The following ACVR1C variants were observed in gnomAD, a reference collection of about 807,000 sequenced individuals.
ACVR1C encodes the protein activin receptor type-1C.
ACVR1C carries 23 observed loss-of-function variants against 57.9 expected under a neutral mutation model. That is an observed-to-expected ratio of 0.40 (90% CI 0.29 to 0.56). The LOEUF is 0.56. Among genes scored for constraint, ACVR1C ranks in the 20% least tolerant of loss-of-function variants. The probability of loss-of-function intolerance (pLI) is 0.50; values close to 1 mark genes in which losing one functional copy is unlikely to be tolerated. For missense variants in ACVR1C, 480 were observed against 607.9 expected (o/e 0.79, Z 2.21); for synonymous variants, 214 against 215.3 (o/e 0.99, Z 0.05).
intron 2 of ACVR1C, among the ~76,000 whole-genome samples, chr2:157,562,711 A>G (rs1321029601): frequency 6.6e-6 from 1 of 152,064 alleles, no homozygotes; most frequent in East Asian, 1.9e-4. Context: ...ACATCAATGC[A>G]AAAATCCTCA....
At chr2:157,549,972 C>T (rs1687874532) in intron 4 of ACVR1C, among the ~76,000 whole-genome samples, 190 bp downstream of exon 4, 1 of 142,452 alleles carries the variant, frequency 7.0e-6, no homozygotes, top group African/African-American at 2.7e-5. Context: ...CGCTGCACTC[C>T]AGCCTGGGTG....
chr2:157,597,091 G>C (rs997830032), intron 1 of ACVR1C, among the ~76,000 whole-genome samples: 1 of 152,100 alleles, frequency 6.6e-6, no homozygotes, highest in African/African-American at 2.4e-5. Context: ...CGGAGGACGA[G>C]TCCCAGCCCA....
chr2:157,550,108 G>A, intron 4 of ACVR1C, 54 bp downstream of exon 4: 1 of 1,495,574 alleles, frequency 6.7e-7, no homozygotes, highest in Middle Eastern at 1.7e-4. Context: ...TTGAGACAGA[G>A]TCTCGCTCTA....
chr2:157,556,354 A>T (rs372839467), intron 2 of ACVR1C, 22 bp from the exon 3 acceptor site: 2 of 1,609,754 alleles, frequency 1.2e-6, no homozygotes, highest in African/African-American at 2.7e-5. Context: ...AGAAGAAAGA[A>T]CATGACCATA....
intron 1 of ACVR1C, among the ~76,000 whole-genome samples, chr2:157,604,242 T>C (rs1682343373): frequency 6.6e-6 from 1 of 151,990 alleles, no homozygotes; most frequent in Non-Finnish European, 1.5e-5. Context: ...AATTCCATAA[T>C]CCCTCCTGCC....
chr2:157,583,376 A>G (rs1688835369), intron 2 of ACVR1C, among the ~76,000 whole-genome samples: 1 of 152,218 alleles, frequency 6.6e-6, no homozygotes, highest in South Asian at 2.1e-4. Flanking sequence ...TAACTGGAGA[A>G]CTAAATAGGT....
intron 3 of ACVR1C, among the ~76,000 whole-genome samples, chr2:157,550,602 TGTC>T (rs1309114053): frequency 1.2e-4 from 19 of 152,330 alleles, no homozygotes; most frequent in Middle Eastern, 6.8e-3. Flanking sequence ...GAATTTGTCT[TGTC>T]GTATTCACAA....
intron 2 of ACVR1C, among the ~76,000 whole-genome samples, chr2:157,562,280 C>A (rs1688252199): frequency 7.5e-6 from 1 of 132,512 alleles, no homozygotes; most frequent in African/African-American, 3.0e-5. Flanking sequence ...AATGACAGAG[C>A]AAGACACCGT....
chr2:157,587,112 A>C (rs1688941509), intron 2 of ACVR1C, 75 bp downstream of exon 2: 5 of 1,284,268 alleles, frequency 3.9e-6, no homozygotes, highest in Non-Finnish European at 5.6e-6. Context: ...AACATAAGAC[A>C]GTTTGATTCC....
intron 7 of ACVR1C, among the ~76,000 whole-genome samples, chr2:157,538,910 T>G (rs1687551654): frequency 1.3e-5 from 2 of 150,648 alleles, no homozygotes; most frequent in Non-Finnish European, 3.0e-5. Context: ...AATTTTGTAT[T>G]ATAAATGTTT....
At position 157,628,733 on chromosome 2, in the gene ACVR1C, C is replaced by A; in HGVS notation, c.-89G>T. The A allele has an allele frequency of 8.3e-7, 1 of 1,200,514 alleles. No homozygotes were observed. 74.4% of individuals were successfully genotyped at this position (1,200,514 alleles called of 1,614,324 possible). A position where few individuals can be genotyped will look rare whatever the true frequency, so the allele number is the denominator to read the frequency against. ...ACGGCCCGCTTTGAAGTTCCCGGGC[C>A]GCGGGAGGGGAGCGCGGCACCGACA... is the stretch of plus-strand genomic sequence containing the variant. On this transcript the variant is annotated 5_prime_UTR_variant, in exon 1 of 9. Transcript: ENST00000243349.
At chr2:157,574,835 C>T (rs1688605047) in intron 2 of ACVR1C, among the ~76,000 whole-genome samples, 1 of 152,194 alleles carries the variant, frequency 6.6e-6, no homozygotes, top group Non-Finnish European at 1.5e-5. Context: ...CCTGTCAGCT[C>T]CCTTGTTGCT....
chr2:157,579,415 C>T (rs539779866), intron 2 of ACVR1C, among the ~76,000 whole-genome samples: 3 of 152,270 alleles, frequency 2.0e-5, no homozygotes, highest in Non-Finnish European at 4.4e-5. Context: ...TGTTCTTAAA[C>T]CTATCCCTAA....
At chr2:157,536,744 T>C (rs910196270) in intron 8 of ACVR1C, among the ~76,000 whole-genome samples, 1 of 152,120 alleles carries the variant, frequency 6.6e-6, no homozygotes, top group African/African-American at 2.4e-5. Flanking sequence ...GATAAACATG[T>C]GAATAAGTCT....
At chr2:157,562,251 C>T (rs533787958) in intron 2 of ACVR1C, among the ~76,000 whole-genome samples, 19 of 149,416 alleles carry the variant, frequency 1.3e-4, no homozygotes, top group South Asian at 4.2e-4. Flanking sequence ...GCTGAAATCG[C>T]GCCACTGCAC....
At chr2:157,581,364 G>A (rs1170638007) in intron 2 of ACVR1C, among the ~76,000 whole-genome samples, 1 of 152,098 alleles carries the variant, frequency 6.6e-6, no homozygotes, top group Non-Finnish European at 1.5e-5. Flanking sequence ...TAAGAGACAT[G>A]TTGAATAGAG....
At chr2:157,572,824 A>G (rs965948686) in intron 2 of ACVR1C, among the ~76,000 whole-genome samples, 1 of 152,022 alleles carries the variant, frequency 6.6e-6, no homozygotes, top group African/African-American at 2.4e-5. Context: ...TTTAGGGGGG[A>G]AAAAAGCCTG....
intron 2 of ACVR1C, among the ~76,000 whole-genome samples, chr2:157,579,073 T>C (rs1688725721): frequency 6.6e-6 from 1 of 152,252 alleles, no homozygotes; most frequent in Non-Finnish European, 1.5e-5. Flanking sequence ...TGGTGTTCTG[T>C]AGTTTTACTA....
intron 2 of ACVR1C, among the ~76,000 whole-genome samples, chr2:157,585,479 C>T (rs1208141915): frequency 6.6e-6 from 1 of 152,170 alleles, no homozygotes; most frequent in East Asian, 1.9e-4. Context: ...TACATTCTAG[C>T]TGCATTAGGT....
Sources: gnomAD v4.1 joint callset for allele counts (sites outside exome capture counted in the v4.1 genomes callset) on GRCh38, gnomAD v4.1.1 for gene constraint, MANE v1.5 for transcripts, NCBI Gene and HGNC (gene_info 2026-07-23, HGNC 2026-07-21) for gene names.